MYOF: variants seen among roughly 807,000 people sequenced by gnomAD.
MYOF encodes the protein myoferlin.
A neutral mutation model predicts 284.2 loss-of-function variants in MYOF; 244 were observed. That is an observed-to-expected ratio of 0.86 (90% CI 0.77 to 0.95). The LOEUF is 0.95. MYOF is among the 40% of genes least tolerant of loss of function. The pLI, the probability that MYOF is intolerant of heterozygous loss-of-function variation, is 0.00. For missense variants in MYOF, 2,496 were observed against 2,560.6 expected, an observed-to-expected ratio of 0.97 and a Z score of 0.54; for synonymous variants, 904 against 919.7, an observed-to-expected ratio of 0.98 and a Z score of 0.31.
intron 48 of MYOF, among the ~76,000 whole-genome samples, chr10:93,320,627 T>C (rs1842807618): frequency 6.6e-6 from 1 of 152,160 alleles, no homozygotes; most frequent in South Asian, 2.1e-4. Flanking sequence ...TTTGAGAAGT[T>C]TTCTTCTGCT....
intron 38 of MYOF, 138 bp downstream of exon 38, chr10:93,343,718 T>C: frequency 1.2e-6 from 1 of 822,270 alleles, no homozygotes. Flanking sequence ...CTCTTGTCTG[T>C]ACTCAGTCCT....
At chr10:93,406,288 T>TTATACATATATATATATATA (rs1554855589) in intron 7 of MYOF, among the ~76,000 whole-genome samples, 4 of 58,146 alleles carry the variant, frequency 6.9e-5, no homozygotes, top group Admixed American at 2.8e-4. Context: ...TAAACCTCTT[T>TTATACATATATATATATATA]TATATATATA....
At position 93,392,925 on chromosome 10, in the gene MYOF, G is replaced by A. The variant is rs758638913; in HGVS notation, c.1448C>T (p.Ser483Leu). 60 of 1,612,066 alleles carry A rather than the reference G, an allele frequency of 3.7e-5. No homozygotes were observed. Among genetic ancestry groups the A allele is most frequent in the Non-Finnish European group, 4.9e-5 (58 of 1,178,374 alleles). ...DFSSSGTGAA[S>L]YTVNTGETEV... ...AATTACGAAGCATAAACCTGTATAT[G>A]ATGCAGCCCCAGTTCCCGAAGATGA... Residue 483 changes from serine to leucine, a missense_variant, in exon 17 of 54, where the codon TCA (serine) becomes TTA (leucine). Coordinates refer to ENST00000359263, the MANE Select transcript of MYOF (RefSeq NM_013451.4).
intron 50 of MYOF, among the ~76,000 whole-genome samples, chr10:93,315,818 G>T (rs1481549290): frequency 6.6e-6 from 1 of 151,986 alleles, no homozygotes; most frequent in Non-Finnish European, 1.5e-5. Flanking sequence ...CTCAGGGAAG[G>T]CCTGTATTCA....
intron 53 of MYOF, among the ~76,000 whole-genome samples, chr10:93,309,105 C>T (rs1359625026): frequency 6.6e-6 from 1 of 152,196 alleles, no homozygotes; most frequent in Non-Finnish European, 1.5e-5. Context: ...ATGGCTTCCT[C>T]TGCCTGGACT....
chr10:93,466,355 C>T (rs2057008680), intron 1 of MYOF, among the ~76,000 whole-genome samples: 1 of 152,170 alleles, frequency 6.6e-6, no homozygotes, highest in African/African-American at 2.4e-5. Flanking sequence ...CACTGATAAA[C>T]AGAAATGCCC....
intron 1 of MYOF, among the ~76,000 whole-genome samples, chr10:93,477,624 G>A (rs1022011585): frequency 3.3e-5 from 5 of 151,222 alleles, no homozygotes; most frequent in Non-Finnish European, 7.4e-5. Context: ...CAAGGCAGGC[G>A]GATCATGAGG....
At chr10:93,399,296 T>C (rs1417618410) in intron 13 of MYOF, 96 bp downstream of exon 13, 1 of 975,650 alleles carries the variant, frequency 1.0e-6, no homozygotes, top group Non-Finnish European at 1.5e-6. Context: ...CAGGGGGCTA[T>C]TTTAACAAAG....
intron 22 of MYOF, among the ~76,000 whole-genome samples, chr10:93,375,184 T>A (rs1845779985): frequency 6.6e-6 from 1 of 152,116 alleles, no homozygotes; most frequent in African/African-American, 2.4e-5. Context: ...GAGATTAAAA[T>A]CCCAAAGCCA....
In MYOF at chr10:93,473,522, A is replaced by G. The variant is rs536388824; in HGVS notation, c.88+8585T>C. On this transcript the variant is annotated intron_variant, in intron 1 of 53. Transcript: ENST00000359263. ...ACAGCCAATTTGCAGAGAGCCAACAATTATAGACAATATGCAGAAAAGTAA... is the reference window on the plus strand; with the variant it reads ...ACAGCCAATTTGCAGAGAGCCAACAGTTATAGACAATATGCAGAAAAGTAA... Among the ~76,000 whole-genome samples the G allele has an allele frequency of 2.0e-5, 3 of 152,358 alleles. No individual in the cohort carries two copies. The South Asian group carries it at 6.2e-4, about 32-fold the overall frequency.
At position 93,310,551 on chromosome 10, in the gene MYOF, G is replaced by A. The variant is rs1342856153; in HGVS notation, c.5982C>T (p.Pro1994=). The A allele has an allele frequency of 6.2e-7, 1 of 1,613,800 alleles. No homozygotes were observed. The highest frequency in any genetic ancestry group is 1.3e-5 in the African/African-American group (1 of 74,916). The change falls in exon 52 of 54, where the codon CCC becomes CCT. Residue 1994 remains proline, a synonymous_variant. Coordinates refer to ENST00000359263, the MANE Select transcript of MYOF (RefSeq NM_013451.4). ...GKGRDEPNMN[P]KLDLPNRPET... ...CCTCTCACTTTGGTAAGTCCAGCTT[G>A]GGGTTCATGTTGGGTTCGTCCCGCC...
chr10:93,364,738 A>G (rs1845248038), intron 26 of MYOF, among the ~76,000 whole-genome samples: 1 of 152,152 alleles, frequency 6.6e-6, no homozygotes, highest in Non-Finnish European at 1.5e-5. Flanking sequence ...AGAGGCTCCA[A>G]CTTTGACTCA....
At chr10:93,385,765 T>G (rs1294607027) in intron 19 of MYOF, among the ~76,000 whole-genome samples, 1 of 151,102 alleles carries the variant, frequency 6.6e-6, no homozygotes, top group East Asian at 1.9e-4. Context: ...GCAAAGAAAA[T>G]GAATTCTGTT....
intron 41 of MYOF, among the ~76,000 whole-genome samples, chr10:93,335,680 C>CAGTCAAGGCTGCTT (rs1843567532): frequency 6.6e-6 from 1 of 151,132 alleles, no homozygotes; most frequent in African/African-American, 2.4e-5. Context: ...GGAGATGGCT[C>CAGTCAAGGCTGCTT]GAGTGCTCTG....
chr10:93,364,662 C>T (rs938763373), intron 26 of MYOF, among the ~76,000 whole-genome samples: 2 of 152,160 alleles, frequency 1.3e-5, no homozygotes, highest in Non-Finnish European at 2.9e-5. Flanking sequence ...TCCATACTGA[C>T]TCTCTGCCAT....
chr10:93,369,647 T>C lies in MYOF; in HGVS notation c.2587A>G (p.Met863Val). ...AEGTFTVFAE[M>V]YENQALMFGK... ...GATAGTGAAATCATTAAAGGTACCATTTCAGCAAAGACGGTGAAAGTTCCT... is the reference window on the plus strand; with the variant it reads ...GATAGTGAAATCATTAAAGGTACCACTTCAGCAAAGACGGTGAAAGTTCCT... Residue 863 changes from methionine (M) to valine (V), a missense_variant and splice_region_variant, in exon 25 of 54, where the codon ATG becomes GTG. Met to Val is a conservative substitution (Grantham distance 21). Around this residue, in one of 3 missense-constraint regions of MYOF, gnomAD observed 2,436 missense variants for 2,480.7 expected, o/e 0.98. Coordinates refer to ENST00000359263, the MANE Select transcript of MYOF (RefSeq NM_013451.4). 1 of 1,614,136 alleles carries C rather than the reference T, an allele frequency of 6.2e-7. No homozygotes were observed.
intron 26 of MYOF, among the ~76,000 whole-genome samples, chr10:93,366,165 A>C (rs1845317170): frequency 6.6e-6 from 1 of 152,172 alleles, no homozygotes; most frequent in Non-Finnish European, 1.5e-5. Context: ...TGCCTGACAC[A>C]GTCAAGCATA....
At position 93,328,993 on chromosome 10, in the gene MYOF, C is replaced by G. The variant is rs1289696549; in HGVS notation, c.4983-82G>C. ...ATTCACACATACATGCTCATGTACT[C>G]TTAGGTGCTCCCATATAGTGGGTGC... On this transcript the variant is annotated intron_variant, in intron 44 of 53. Coordinates refer to ENST00000359263, the MANE Select transcript of MYOF (RefSeq NM_013451.4). 4.9e-6 allele frequency: 7 copies of G among 1,415,814 alleles called. No individual in the cohort carries two copies. In the African/African-American group the frequency reaches 9.8e-5, roughly 20 times the overall value. The allele number at this position is 1,415,814 out of a possible 1,614,324, so 87.7% of individuals were successfully genotyped here. A position where few individuals can be genotyped will look rare whatever the true frequency, so the allele number is the denominator to read the frequency against.
chr10:93,340,873 C>A (rs75100164), intron 38 of MYOF, among the ~76,000 whole-genome samples: 4,838 of 152,152 alleles, frequency 0.032, 259 homozygotes, highest in African/African-American at 0.11. Flanking sequence ...AGAGCATTAG[C>A]CAAGCTCGTC....
Sources: allele counts gnomAD v4.1 joint callset (sites outside exome capture counted in the v4.1 genomes callset), GRCh38; gene constraint gnomAD v4.1.1; regional missense constraint gnomAD v4.1.1; transcripts MANE v1.5; gene names NCBI Gene and HGNC (gene_info 2026-07-23, HGNC 2026-07-21).